Variants in TMCC1 observed in about 807,000 individuals in gnomAD.
TMCC1 encodes the protein transmembrane and coiled-coil domains protein 1.
TMCC1 carries 15 observed loss-of-function variants against 52.4 expected under a neutral mutation model. The ratio of observed to expected loss-of-function variants is 0.29; its 90% confidence interval spans 0.19 to 0.44. The LOEUF is 0.44. Ranked by LOEUF, TMCC1 falls within the 20% of genes least tolerant of loss-of-function variation. TMCC1 has a pLI of 1.00. For missense variants in TMCC1, 503 were observed against 806.0 expected (o/e 0.62, Z 4.55); for synonymous variants, 279 against 301.9 (o/e 0.92, Z 0.79).
In TMCC1 at chr3:129,884,093, G is replaced by C. The variant is rs537251580; in HGVS notation, c.-434-3534C>G. ...AACTAAAAACAAATTAAAGTCTTCA[G>C]ATGTCCAAATACTAAAAGGATTCAT... On this transcript the variant is annotated intron_variant, in intron 1 of 6. Coordinates refer to ENST00000393238, the MANE Select transcript of TMCC1 (RefSeq NM_001017395.5). Among the ~76,000 whole-genome samples the C allele has an allele frequency of 4.1e-4, 63 of 152,192 alleles. 1 individual carries two copies. Among genetic ancestry groups the C allele is most frequent in the African/African-American group, 1.5e-3 (62 of 41,544 alleles).
At chr3:129,764,726 T>C (rs1408928203) in intron 4 of TMCC1, among the ~76,000 whole-genome samples, 1 of 143,908 alleles carries the variant, frequency 6.9e-6, no homozygotes, top group Non-Finnish European at 1.5e-5. Flanking sequence ...AGCTACATCC[T>C]ATAATATTGT....
chr3:129,893,436 G>C (rs1219576108), intron 1 of TMCC1, 58 bp downstream of exon 1: 1 of 152,000 alleles, frequency 6.6e-6, no homozygotes, highest in African/African-American at 2.4e-5. Context: ...ACCCACCGCG[G>C]AGGGCCGTGA....
chr3:129,764,727 A>G (rs544720138), intron 4 of TMCC1, among the ~76,000 whole-genome samples: 4 of 129,684 alleles, frequency 3.1e-5, no homozygotes, highest in African/African-American at 1.1e-4. Flanking sequence ...GCTACATCCT[A>G]TAATATTGTG....
intron 4 of TMCC1, among the ~76,000 whole-genome samples, chr3:129,700,118 G>A (rs1264546313): frequency 6.6e-6 from 1 of 152,102 alleles, no homozygotes; most frequent in African/African-American, 2.4e-5. Flanking sequence ...GCTCATGCCT[G>A]TAATCCTAGC....
intron 2 of TMCC1, among the ~76,000 whole-genome samples, chr3:129,872,274 G>A (rs183401044): frequency 6.6e-6 from 1 of 152,202 alleles, no homozygotes; most frequent in East Asian, 1.9e-4. Context: ...GGAGTGAGGG[G>A]CAGCACTATA....
intron 4 of TMCC1, among the ~76,000 whole-genome samples, chr3:129,724,800 C>T (rs2049943969): frequency 6.6e-6 from 1 of 151,914 alleles, no homozygotes. Flanking sequence ...CAAAAGTGAC[C>T]CAATAGTTTT....
chr3:129,701,643 T>C (rs2047845569), intron 4 of TMCC1, among the ~76,000 whole-genome samples: 3 of 152,204 alleles, frequency 2.0e-5, no homozygotes, highest in Non-Finnish European at 4.4e-5. Flanking sequence ...GTGCCAGAAT[T>C]ATGAAATTTC....
At chr3:129,817,876 G>T (rs569279023) in intron 4 of TMCC1, among the ~76,000 whole-genome samples, 2 of 152,078 alleles carry the variant, frequency 1.3e-5, no homozygotes, top group East Asian at 3.9e-4. Flanking sequence ...GCAATGGCGC[G>T]ATCTCAGCTC....
chr3:129,695,505 G>A (rs1001483810), intron 4 of TMCC1, among the ~76,000 whole-genome samples: 5 of 152,084 alleles, frequency 3.3e-5, no homozygotes, highest in Admixed American at 2.0e-4. Context: ...CAATCATGGC[G>A]GAAGGGGAAG....
intron 4 of TMCC1, among the ~76,000 whole-genome samples, chr3:129,701,134 A>G (rs150996535): frequency 1.0e-3 from 159 of 152,344 alleles, no homozygotes; most frequent in African/African-American, 3.4e-3. Context: ...TGATGCTGAT[A>G]TCTGATGACT....
intron 4 of TMCC1, among the ~76,000 whole-genome samples, chr3:129,743,337 T>G (rs1205321292): frequency 6.6e-6 from 1 of 152,198 alleles, no homozygotes; most frequent in Non-Finnish European, 1.5e-5. Flanking sequence ...TTGTAGTTTG[T>G]ACATCTGAAC....
chr3:129,757,461 AG>A (rs2053116624), intron 4 of TMCC1, among the ~76,000 whole-genome samples: 2 of 152,156 alleles, frequency 1.3e-5, no homozygotes, highest in Admixed American at 6.6e-5. Flanking sequence ...CCTGCCAACC[AG>A]GGCTCTCCTA....
At position 129,714,696 on chromosome 3, in the gene TMCC1, G is replaced by A. The variant is rs1214165278; in HGVS notation, c.577-43432C>T. 3.3e-5 allele frequency among the ~76,000 whole-genome samples: 5 copies of A among 152,168 alleles called. No individual in the cohort carries two copies. The East Asian group carries it at 7.7e-4, about 23-fold the overall frequency. On this transcript the variant is annotated intron_variant, in intron 4 of 6. Transcript: ENST00000393238. The stretch of plus-strand genomic sequence containing the variant: ...GATTTTTCAAACAGATAATGTGCAT[G>A]AGGCACCAATGGGGATAAAAAAGCC...
chr3:129,804,571 C>A (rs2057361788), intron 4 of TMCC1, among the ~76,000 whole-genome samples: 1 of 152,184 alleles, frequency 6.6e-6, no homozygotes, highest in Admixed American at 6.5e-5. Context: ...AAATTATACA[C>A]AGAGTAAACT....
At chr3:129,676,152 C>T (rs1427760289) in intron 4 of TMCC1, among the ~76,000 whole-genome samples, 1 of 152,016 alleles carries the variant, frequency 6.6e-6, no homozygotes, top group African/African-American at 2.4e-5. Flanking sequence ...CAGCAGCAGT[C>T]CCAGCTACTC....
At chr3:129,827,150 C>T (rs2058694417) in intron 4 of TMCC1, among the ~76,000 whole-genome samples, 1 of 152,230 alleles carries the variant, frequency 6.6e-6, no homozygotes, top group Non-Finnish European at 1.5e-5. Context: ...GCTACGCGTA[C>T]CTGAGTTTTC....
intron 4 of TMCC1, among the ~76,000 whole-genome samples, chr3:129,790,524 GAGAT>G (rs2056381428): frequency 6.6e-6 from 1 of 152,104 alleles, no homozygotes; most frequent in Admixed American, 6.6e-5. Flanking sequence ...ATATTTTACT[GAGAT>G]AATATTTACA....
chr3:129,658,977 A>T (rs1576342729), intron 5 of TMCC1, among the ~76,000 whole-genome samples: 1 of 152,088 alleles, frequency 6.6e-6, no homozygotes, highest in East Asian at 1.9e-4. Context: ...CTTGTCAGGG[A>T]TGTTGCAGAA....
chr3:129,790,881 C>T (rs927442577), intron 4 of TMCC1, among the ~76,000 whole-genome samples: 3 of 152,020 alleles, frequency 2.0e-5, no homozygotes, highest in Admixed American at 6.6e-5. Context: ...CCTCTCTGGC[C>T]AACGAAAACA....
Sources: allele counts gnomAD v4.1 joint callset (sites outside exome capture counted in the v4.1 genomes callset), GRCh38; gene constraint gnomAD v4.1.1; transcripts MANE v1.5; gene names NCBI Gene and HGNC (gene_info 2026-07-23, HGNC 2026-07-21).